The following SLC9A2 variants were observed in gnomAD, a reference collection of about 807,000 sequenced individuals.
The protein encoded by SLC9A2 is sodium/hydrogen exchanger 2.
A neutral mutation model predicts 71.7 loss-of-function variants in SLC9A2; 42 were observed. The ratio of observed to expected loss-of-function variants is 0.59; its 90% CI spans 0.46 to 0.76. The LOEUF is 0.76. Among genes scored for constraint, SLC9A2 ranks in the 30% least tolerant of loss-of-function variants. The pLI, the probability that SLC9A2 is intolerant of heterozygous loss-of-function variation, is 0.00. For synonymous variants in SLC9A2, 396 were observed against 392.5 expected (o/e 1.01, Z -0.10); for missense variants, 829 against 1,017.4 (o/e 0.81, Z 2.52).
At chr2:102,683,139 T>A in intron 3 of SLC9A2, 122 bp from the exon 4 acceptor site, 1 of 703,692 alleles carries the variant, frequency 1.4e-6, no homozygotes, top group Non-Finnish European at 2.5e-6. Context: ...ATAAAAATCA[T>A]TCGATGATGT....
chr2:102,684,313 A>G lies in SLC9A2; in HGVS notation c.1402A>G (p.Ile468Val). 1 of 1,614,128 alleles carries G rather than the reference A, an allele frequency of 6.2e-7. No homozygotes were observed. Among genetic ancestry groups the G allele is most frequent in the Non-Finnish European group, 8.5e-7 (1 of 1,179,986 alleles). The part of the protein sequence containing the change: ...KLFITAAIVV[I>V]FFTVFILGIT... ...GTTTATTACGGCTGCCATTGTTGTC[A>G]TATTCTTTACTGTCTTCATTCTGGT... is the stretch of plus-strand genomic sequence containing the variant. Residue 468 changes from isoleucine (I) to valine (V), a missense_variant, in exon 5 of 12, where the codon ATA becomes GTA. Physicochemically the swap from Ile to Val is conservative, Grantham distance 29 (BLOSUM62 3). This residue lies in a region of SLC9A2 where 500 missense variants were observed against 726.3 expected (regional missense o/e 0.69). Coordinates refer to ENST00000233969, the MANE Select transcript of SLC9A2 (RefSeq NM_003048.6).
intron 9 of SLC9A2, among the ~76,000 whole-genome samples, chr2:102,703,528 A>C (rs1264329607): frequency 6.6e-6 from 1 of 152,140 alleles, no homozygotes; most frequent in African/African-American, 2.4e-5. Flanking sequence ...ATGGAATAGC[A>C]CTTGGAGCTT....
chr2:102,664,165 A>G (rs1001277638), intron 2 of SLC9A2, among the ~76,000 whole-genome samples: 1 of 151,770 alleles, frequency 6.6e-6, no homozygotes, highest in African/African-American at 2.4e-5. Flanking sequence ...AATCTCAGCT[A>G]CTTGGGAGGC....
chr2:102,657,543 T>A, intron 1 of SLC9A2, 21 bp from the exon 2 acceptor site: 1 of 1,541,546 alleles, frequency 6.5e-7, no homozygotes, highest in Non-Finnish European at 8.8e-7. Context: ...AAGTTGTGTG[T>A]TTTTATTTTT....
chr2:102,675,204 T>C (rs886869085), intron 3 of SLC9A2, among the ~76,000 whole-genome samples: 1 of 152,138 alleles, frequency 6.6e-6, no homozygotes, highest in African/African-American at 2.4e-5. Context: ...GGGATGGGAA[T>C]GTTGATGATG....
intron 1 of SLC9A2, among the ~76,000 whole-genome samples, chr2:102,653,608 TTC>T (rs1264724089): frequency 6.6e-6 from 1 of 152,220 alleles, no homozygotes; most frequent in African/African-American, 2.4e-5. Flanking sequence ...GTTCCTTCCT[TTC>T]TCTCTTTTCC....
chr2:102,663,112 A>G (rs1426347183), intron 2 of SLC9A2, among the ~76,000 whole-genome samples: 2 of 152,172 alleles, frequency 1.3e-5, no homozygotes, highest in African/African-American at 2.4e-5. Flanking sequence ...TGCCGATGAA[A>G]ACCGATGCTG....
At chr2:102,678,591 T>C (rs1259186295) in intron 3 of SLC9A2, among the ~76,000 whole-genome samples, 3 of 152,100 alleles carry the variant, frequency 2.0e-5, no homozygotes, top group Non-Finnish European at 2.9e-5. Flanking sequence ...GAAATCCTCA[T>C]GTGTTCATGT....
rs557949582 is a variant in SLC9A2 at position 102,676,839 on chromosome 2, G to A, written c.1005-6422G>A. ...TTAATTGGTCTTCATCATTGCATAT[G>A]CTTGGCACTGATTAGTGGAATATGC... On this transcript the variant is annotated intron_variant, in intron 3 of 11. Coordinates refer to ENST00000233969, the MANE Select transcript of SLC9A2 (RefSeq NM_003048.6). 2.1e-4 allele frequency among the ~76,000 whole-genome samples: 32 copies of A among 152,322 alleles called. 1 individual carries two copies. In the East Asian group the frequency reaches 2.7e-3, roughly 13 times the overall value.
intron 3 of SLC9A2, among the ~76,000 whole-genome samples, chr2:102,677,278 C>T (rs775062266): frequency 6.6e-6 from 1 of 151,354 alleles, no homozygotes; most frequent in East Asian, 1.9e-4. Context: ...AAGTCTATTT[C>T]CACCCACCCT....
intron 1 of SLC9A2, among the ~76,000 whole-genome samples, chr2:102,632,067 C>CAT (rs1558701365): frequency 2.7e-5 from 3 of 113,204 alleles, no homozygotes; most frequent in African/African-American, 1.2e-4. Flanking sequence ...TATACACACA[C>CAT]ATATATATAC....
chr2:102,703,623 G>C (rs1677916611), intron 9 of SLC9A2, among the ~76,000 whole-genome samples: 1 of 152,172 alleles, frequency 6.6e-6, no homozygotes, highest in African/African-American at 2.4e-5. Flanking sequence ...ATGGTAAACT[G>C]CTCAAGGCAG....
chr2:102,649,071 C>T (rs1376473939), intron 1 of SLC9A2, among the ~76,000 whole-genome samples: 1 of 152,198 alleles, frequency 6.6e-6, no homozygotes, highest in African/African-American at 2.4e-5. Flanking sequence ...TGACTTCAAA[C>T]TATACTACAA....
intron 1 of SLC9A2, among the ~76,000 whole-genome samples, chr2:102,651,624 T>C (rs1676837140): frequency 6.6e-6 from 1 of 152,232 alleles, no homozygotes; most frequent in Admixed American, 6.5e-5. Context: ...ATTCTCTCAC[T>C]GCTCTCTGCT....
chr2:102,666,637 G>A (rs934205684), intron 3 of SLC9A2, among the ~76,000 whole-genome samples: 2 of 152,234 alleles, frequency 1.3e-5, no homozygotes, highest in African/African-American at 4.8e-5. Context: ...GTAGGCTGAT[G>A]AATGATGGAG....
intron 1 of SLC9A2, among the ~76,000 whole-genome samples, chr2:102,640,143 C>G (rs575582216): frequency 6.6e-6 from 1 of 152,308 alleles, no homozygotes; most frequent in East Asian, 1.9e-4. Flanking sequence ...TGTACAATAC[C>G]TAAGGAAACG....
intron 9 of SLC9A2, 146 bp downstream of exon 9, chr2:102,702,648 A>G: frequency 3.4e-6 from 2 of 588,328 alleles, no homozygotes; most frequent in South Asian, 2.3e-5. Flanking sequence ...GCTTCTCTCC[A>G]TCCCTCTTCA....
chr2:102,657,907 C>A lies in SLC9A2; in HGVS notation c.633C>A (p.Gly211=). 6.2e-7 allele frequency: 1 copy of A among 1,614,216 alleles called. No homozygotes were observed. ...CTTTGCTCCAGAACCTGCTCTTTGG[C>A]AGCTTAATCTCAGCTGTCGATCCTG... The part of the protein sequence containing the change: ...DITLLQNLLF[G]SLISAVDPVA... Residue 211 remains glycine, a synonymous_variant, in exon 2 of 12, where the codon GGC becomes GGA. Transcript: ENST00000233969.
At chr2:102,662,412 A>G (rs1289790814) in intron 2 of SLC9A2, among the ~76,000 whole-genome samples, 2 of 152,024 alleles carry the variant, frequency 1.3e-5, no homozygotes, top group South Asian at 2.1e-4. Context: ...GAAGAAGGAG[A>G]CTCAGCTCTG....
Sources: gnomAD v4.1 joint callset for allele counts (sites outside exome capture counted in the v4.1 genomes callset) on GRCh38, gnomAD v4.1.1 for gene constraint, gnomAD v4.1.1 regional missense constraint, MANE v1.5 for transcripts, NCBI Gene and HGNC (gene_info 2026-07-23, HGNC 2026-07-21) for gene names.